The following TMEM91 variants were observed in gnomAD, a reference collection of about 807,000 sequenced individuals.
TMEM91 encodes the protein transmembrane protein 91.
A neutral mutation model predicts 13.3 loss-of-function variants in TMEM91; 6 were observed. That is an observed-to-expected ratio of 0.45 (90% CI 0.25 to 0.89). TMEM91 has a LOEUF of 0.89. Among genes scored for constraint, TMEM91 ranks in the 40% least tolerant of loss-of-function variants. TMEM91 has a pLI of 0.19. For synonymous variants in TMEM91, 87 were observed against 101.7 expected (o/e 0.86, Z 0.87); for missense variants, 193 against 228.7 (o/e 0.84, Z 1.01).
intron 2 of TMEM91, among the ~76,000 whole-genome samples, chr19:41,379,893 T>C (rs979365111): frequency 4.2e-5 from 6 of 143,364 alleles, no homozygotes; most frequent in Non-Finnish European, 9.1e-5. Context: ...GCTTCCTTTT[T>C]TTTTTTTTTT....
intron 1 of TMEM91, among the ~76,000 whole-genome samples, chr19:41,365,194 C>G (rs953410480): frequency 6.6e-6 from 1 of 151,974 alleles, no homozygotes; most frequent in East Asian, 1.9e-4. Context: ...CCAATAGATA[C>G]AAAGTATTTA....
At chr19:41,374,724 C>T (rs1296021072), upstream of TMEM91, among the ~76,000 whole-genome samples, 4 of 151,998 alleles carry the variant, frequency 2.6e-5, no homozygotes. Context: ...TGGCTCACAC[C>T]TGTAATCCCA....
chr19:41,373,294 CTT>C (rs2038653615), upstream of TMEM91, among the ~76,000 whole-genome samples: 1 of 151,930 alleles, frequency 6.6e-6, no homozygotes, highest in Non-Finnish European at 1.5e-5. Context: ...GGTGTAGCCT[CTT>C]AGACTGTACA....
intron 1 of TMEM91, among the ~76,000 whole-genome samples, chr19:41,371,287 C>G (rs1400152989): frequency 6.6e-6 from 1 of 151,688 alleles, no homozygotes; most frequent in Non-Finnish European, 1.5e-5. Flanking sequence ...CAGGTGTGAA[C>G]CACCATGCCT....
intron 1 of TMEM91, among the ~76,000 whole-genome samples, chr19:41,369,172 A>ATTT (rs1007738652): frequency 6.6e-6 from 1 of 151,514 alleles, no homozygotes; most frequent in African/African-American, 2.4e-5. Flanking sequence ...CGGCTACTTC[A>ATTT]TTTTTGTTGT....
chr19:41,381,816 A>G (rs1400275755), intron 2 of TMEM91, among the ~76,000 whole-genome samples: 2 of 151,718 alleles, frequency 1.3e-5, no homozygotes, highest in African/African-American at 2.4e-5. Context: ...CCGGCCAATA[A>G]TCTCCATCTT....
At position 41,383,759 on chromosome 19, in the gene TMEM91, C is replaced by T. The variant is rs745989540; in HGVS notation, c.405C>T (p.Ala135=). 18 of 1,608,380 alleles carry T rather than the reference C, an allele frequency of 1.1e-5. No individual in the cohort carries two copies. The highest frequency in any genetic ancestry group is 4.4e-5 in the South Asian group (4 of 90,590). Residue 135 remains alanine (A), a synonymous_variant, in exon 4 of 4, where the codon GCC becomes GCT. Transcript: ENST00000392002. ...WAKGDIQGAG[A]ASRRAFLLGV... ...AGGGGGACATCCAGGGGGCAGGGGC[C>T]GCCTCCCGCCGTGCCTTCCTGCTGG...
At chr19:41,377,559 G>T (rs1599927989) in intron 1 of TMEM91, among the ~76,000 whole-genome samples, 1 of 148,776 alleles carries the variant, frequency 6.7e-6, no homozygotes, top group African/African-American at 2.5e-5. Flanking sequence ...GTGTGACTGG[G>T]AGGGGTGCCT....
chr19:41,375,849 C>T (rs2038707242), upstream of TMEM91, among the ~76,000 whole-genome samples: 1 of 151,350 alleles, frequency 6.6e-6, no homozygotes, highest in African/African-American at 2.4e-5. Context: ...CTGCCGGGCG[C>T]GGTGGCTCAC....
upstream of TMEM91, chr19:41,376,309 G>A (rs1028523010): frequency 6.6e-6 from 1 of 152,112 alleles, no homozygotes; most frequent in Admixed American, 6.6e-5. Context: ...ACCTAACCTC[G>A]GCTTGCCAGT....
Position 41,378,496 on chromosome 19 carries a change from G to A in TMEM91, c.187G>A (p.Glu63Lys), listed in dbSNP as rs1338509811. The change falls in exon 2 of 4, where the codon GAA (glutamate) becomes AAA (lysine). Residue 63 changes from glutamate (E) to lysine (K), a missense_variant. By Grantham distance (56) the Glu-to-Lys change is moderately conservative (BLOSUM62 1). Transcript: ENST00000392002. ...PLPSVSAGLG[E>K]PRPPDVEDMS... ...TCCCTCCGTGAGCGCTGGCCTGGGG[G>A]AACCAAGGCCCCCTGATGTTGAGGT... is the stretch of plus-strand genomic sequence containing the variant. The A allele has an allele frequency of 1.9e-6, 3 of 1,613,924 alleles. No individual in the cohort carries two copies. Among genetic ancestry groups the A allele is most frequent in the Non-Finnish European group, 2.5e-6 (3 of 1,179,966 alleles).
intron 1 of TMEM91, among the ~76,000 whole-genome samples, chr19:41,368,962 A>G (rs2038571319): frequency 6.6e-6 from 1 of 151,952 alleles, no homozygotes; most frequent in African/African-American, 2.4e-5. Context: ...AAAAAATACA[A>G]AAAATTAGCT....
chr19:41,377,206 A>G (rs1189671529), intron 1 of TMEM91: 4 of 149,150 alleles, frequency 2.7e-5, no homozygotes. Context: ...CAGGCATGCC[A>G]GAGGTCATGA....
chr19:41,369,541 A>G (rs1282209475), intron 1 of TMEM91, among the ~76,000 whole-genome samples: 1 of 148,464 alleles, frequency 6.7e-6, no homozygotes, highest in Non-Finnish European at 1.5e-5. Context: ...GCAGTGGCTC[A>G]TGCCTGGATT....
chr19:41,379,932 T>C (rs59204307), intron 2 of TMEM91, among the ~76,000 whole-genome samples: 4,199 of 149,162 alleles, frequency 0.028, 201 homozygotes, highest in African/African-American at 0.099. Context: ...TTCACCCTTG[T>C]TGCCCAGGCT....
upstream of TMEM91, among the ~76,000 whole-genome samples, chr19:41,375,413 G>A (rs1400668406): frequency 2.0e-5 from 3 of 149,058 alleles, no homozygotes; most frequent in Non-Finnish European, 4.4e-5. Context: ...CAAGTAGCTG[G>A]GACTACAAGC....
chr19:41,372,922 C>T (rs964967150), upstream of TMEM91, among the ~76,000 whole-genome samples: 4 of 144,276 alleles, frequency 2.8e-5, no homozygotes, highest in Non-Finnish European at 3.0e-5. Context: ...GCTGGAATCT[C>T]GTGATCTTTT....
chr19:41,383,956 G>A lies in TMEM91; in HGVS notation c.*83G>A. On this transcript the variant is annotated 3_prime_UTR_variant, in exon 4 of 4. Coordinates refer to ENST00000392002, the MANE Select transcript of TMEM91 (RefSeq NM_001098821.2). ...CAGAGAGTGGAGAATCTTGGTGGAT[G>A]AGGCTGCGGCGGCGGCAGGAGCATC... The A allele has an allele frequency of 1.3e-6, 2 of 1,547,236 alleles. No homozygotes were observed. The highest frequency in any genetic ancestry group is 2.5e-5 in the South Asian group (2 of 80,528).
At chr19:41,366,889 G>C (rs1363203597) in intron 1 of TMEM91, among the ~76,000 whole-genome samples, 1 of 152,138 alleles carries the variant, frequency 6.6e-6, no homozygotes, top group African/African-American at 2.4e-5. Flanking sequence ...CGTAATCCCA[G>C]CACTTTGGGA....
Sources: gnomAD v4.1 joint callset for allele counts (sites outside exome capture counted in the v4.1 genomes callset) on GRCh38, gnomAD v4.1.1 for gene constraint, MANE v1.5 for transcripts, NCBI Gene and HGNC (gene_info 2026-07-23, HGNC 2026-07-21) for gene names.